PAM16: variants seen among roughly 807,000 people sequenced by gnomAD.
PAM16 encodes the protein presequence translocase associated motor 16, also known as mitochondrial import inner membrane translocase subunit TIM16.
In PAM16, 11 loss-of-function variants were observed where a neutral mutation model predicts 17.9. The ratio of observed to expected loss-of-function variants is 0.62; its 90% CI spans 0.39 to 1.02. The LOEUF (loss-of-function observed/expected upper bound fraction) is 1.02, where lower values mean the gene tolerates loss of function less well. PAM16 is among the 50% of genes least tolerant of loss of function. PAM16 has a pLI of 0.01. For synonymous variants in PAM16, 72 were observed against 67.4 expected, an observed-to-expected ratio of 1.07 and a Z score of -0.34; for missense variants, 199 against 165.4, an observed-to-expected ratio of 1.20 and a Z score of -1.11.
intron 2 of PAM16, 41 bp from the exon 3 acceptor site, chr16:4,341,545 C>A: frequency 6.4e-7 from 1 of 1,569,472 alleles, no homozygotes; most frequent in Non-Finnish European, 8.6e-7. Flanking sequence ...CTCAGCAGCC[C>A]ACACTTCACC....
intron 1 of PAM16, 176 bp downstream of exon 1, chr16:4,351,056 G>GCT (rs1567234942): frequency 2.4e-4 from 82 of 345,488 alleles, no homozygotes; most frequent in East Asian, 1.3e-3. Context: ...TGAGGCCGCC[G>GCT]GTGCCGCCGC....
chr16:4,340,436 GCCAAGCCTCCGCCCCATACCC>G, intron 4 of PAM16, 31 bp from the exon 5 acceptor site: 1 of 1,603,808 alleles, frequency 6.2e-7, no homozygotes, highest in Non-Finnish European at 8.5e-7. Flanking sequence ...AGGCCGGGAG[GCCAAGCCTCCGCCCCATACCC>G]CTTGCCCACA....
chr16:4,345,788 G>T, intron 1 of PAM16: 1 of 971,384 alleles, frequency 1.0e-6, no homozygotes, highest in Non-Finnish European at 1.2e-6. Context: ...GGTCTCACCT[G>T]ACTTCGCCTC....
At chr16:4,340,451 C>T in intron 4 of PAM16, 46 bp from the exon 5 acceptor site, 2 of 1,594,386 alleles carry the variant, frequency 1.3e-6, no homozygotes, top group South Asian at 1.1e-5. Flanking sequence ...GCCTCCGCCC[C>T]ATACCCCTTG....
At chr16:4,347,234 T>G (rs957271901) in intron 1 of PAM16, 4 of 152,108 alleles carry the variant, frequency 2.6e-5, no homozygotes, top group African/African-American at 7.2e-5. Flanking sequence ...CAAACACAAG[T>G]GGGTTAGGAT....
At chr16:4,340,543 G>T in intron 4 of PAM16, 138 bp from the exon 5 acceptor site, 1 of 947,732 alleles carries the variant, frequency 1.1e-6, no homozygotes, top group Non-Finnish European at 1.6e-6. Context: ...TCCTTCAGTG[G>T]CACCCCAGGG....
chr16:4,345,093 G>A (rs531704295), intron 1 of PAM16, among the ~76,000 whole-genome samples: 1 of 152,096 alleles, frequency 6.6e-6, no homozygotes, highest in African/African-American at 2.4e-5. Context: ...TATATAGACA[G>A]CACATACAAA....
intron 2 of PAM16, among the ~76,000 whole-genome samples, chr16:4,342,950 T>TC (rs1479345258): frequency 6.6e-6 from 1 of 152,112 alleles, no homozygotes; most frequent in African/African-American, 2.4e-5. Context: ...AGAGTGAGAC[T>TC]CCATCTCCAA....
chr16:4,351,159 G>T, intron 1 of PAM16, 73 bp downstream of exon 1: 1 of 922,564 alleles, frequency 1.1e-6, no homozygotes, highest in Non-Finnish European at 1.4e-6. Context: ...CCAGCCCGGA[G>T]CTCGCCGCCC....
At chr16:4,346,239 A>C (rs1341602964) in intron 1 of PAM16, among the ~76,000 whole-genome samples, 1 of 152,200 alleles carries the variant, frequency 6.6e-6, no homozygotes, top group Non-Finnish European at 1.5e-5. Flanking sequence ...TGTAATGGTT[A>C]CACCTGCAGG....
chr16:4,349,803 C>T (rs1418281376), intron 1 of PAM16, among the ~76,000 whole-genome samples: 1 of 152,072 alleles, frequency 6.6e-6, no homozygotes, highest in Non-Finnish European at 1.5e-5. Context: ...AGTTTTGGGA[C>T]AGAGCTGGGC....
intron 1 of PAM16, chr16:4,343,857 G>C (rs890316578): frequency 1.2e-4 from 47 of 400,070 alleles, no homozygotes; most frequent in Admixed American, 7.0e-4. Context: ...CCCACTAGGA[G>C]GGTATTTAAA....
intron 1 of PAM16, among the ~76,000 whole-genome samples, chr16:4,348,933 C>T (rs1352238548): frequency 3.4e-5 from 5 of 148,266 alleles, no homozygotes; most frequent in African/African-American, 1.3e-4. Context: ...CGTGAGCCAC[C>T]GTACCCGGCC....
At chr16:4,347,530 C>T (rs1470691595) in intron 1 of PAM16, 2 of 152,318 alleles carry the variant, frequency 1.3e-5, no homozygotes, top group African/African-American at 4.8e-5. Context: ...CCCATTAACA[C>T]CACATGGACA....
rs1232617754 is a variant in PAM16, at chr16:4,341,431, G to C, written c.162C>G (p.Leu54=). Residue 54 remains leucine, a synonymous_variant, in exon 3 of 5, where the codon CTC becomes CTG. Coordinates refer to ENST00000318059, the MANE Select transcript of PAM16 (RefSeq NM_016069.11). ...RSAAASNLSG[L]SLQEAQQILN... is the part of the protein sequence containing the mutation. ...GAATCTGCTGTGCCTCCTGGAGGCT[G>C]AGGCCGGAGAGGTTGGAAGCGGCTG... 6.2e-7 allele frequency: 1 copy of C among 1,607,370 alleles called. No homozygotes were observed. The highest frequency in any genetic ancestry group is 8.5e-7 in the Non-Finnish European group (1 of 1,177,764).
At chr16:4,340,528 AT>A in intron 4 of PAM16, 123 bp from the exon 5 acceptor site, 2 of 1,087,188 alleles carry the variant, frequency 1.8e-6, no homozygotes, top group Non-Finnish European at 2.6e-6. Flanking sequence ...GTGGATACCA[AT>A]GCTTCCTTCA....
At chr16:4,343,961 C>T (rs2053692323) in intron 1 of PAM16, 1 of 398,344 alleles carries the variant, frequency 2.5e-6, no homozygotes, top group Non-Finnish European at 4.4e-6. Context: ...TGAGAGTCTA[C>T]TCTGCTCAGC....
In PAM16 at chr16:4,346,341, T is replaced by C. The variant is rs112748875; in HGVS notation, c.4-3050A>G. ...CAACCCAGTTTGCTTACCTGTAAAA[T>C]GTGGCCACCAATAAAGCTGAGATAA... On this transcript the variant is annotated intron_variant, in intron 1 of 4. Coordinates refer to ENST00000318059, the MANE Select transcript of PAM16 (RefSeq NM_016069.11). Among the ~76,000 whole-genome samples, 1,111 of 152,316 alleles carry C rather than the reference T, an allele frequency of 7.3e-3. 20 individuals carry two copies. Among genetic ancestry groups the C allele is most frequent in the African/African-American group, 0.025 (1,050 of 41,560 alleles).
chr16:4,340,782 G>C (rs1338580337), intron 4 of PAM16, 138 bp downstream of exon 4: 7 of 1,126,958 alleles, frequency 6.2e-6, no homozygotes, highest in Non-Finnish European at 9.3e-6. Context: ...CCTGAGGCTG[G>C]GGCACCATGG....
Sources: gnomAD v4.1 joint callset for allele counts (sites outside exome capture counted in the v4.1 genomes callset) on GRCh38, gnomAD v4.1.1 for gene constraint, MANE v1.5 for transcripts, NCBI Gene and HGNC (gene_info 2026-07-23, HGNC 2026-07-21) for gene names.